Variants in COL9A1 observed in about 807,000 individuals in gnomAD.
COL9A1 encodes collagen type IX alpha 1 chain.
In COL9A1, 104 loss-of-function variants were observed where a neutral mutation model predicts 142.6. The observed-to-expected ratio is 0.73, with a 90% CI of 0.62 to 0.86. The LOEUF (loss-of-function observed/expected upper bound fraction) is 0.86. Among genes scored for constraint, COL9A1 ranks in the 40% least tolerant of loss-of-function variants. The pLI, the probability that COL9A1 is intolerant of heterozygous loss-of-function variation, is 0.00. For synonymous variants in COL9A1, 466 were observed against 396.0 expected (o/e 1.18, Z -2.10); for missense variants, 1,210 against 1,176.6 (o/e 1.03, Z -0.42).
At chr6:70,224,080 CA>C (rs1468274704) in intron 37 of COL9A1, among the ~76,000 whole-genome samples, 2 of 152,138 alleles carry the variant, frequency 1.3e-5, no homozygotes, top group African/African-American at 4.8e-5. Context: ...TCCCCTGGAT[CA>C]GGGGGTCCAC....
intron 17 of COL9A1, among the ~76,000 whole-genome samples, chr6:70,268,351 A>T (rs1359182171): frequency 2.0e-5 from 3 of 152,100 alleles, no homozygotes; most frequent in Non-Finnish European, 4.4e-5. Flanking sequence ...AGTAGCCAGG[A>T]CTACAAGTGC....
At chr6:70,230,270 A>G (rs547403977) in intron 36 of COL9A1, among the ~76,000 whole-genome samples, 2 of 152,306 alleles carry the variant, frequency 1.3e-5, no homozygotes, top group South Asian at 4.1e-4. Context: ...CCAGCTACCT[A>G]AAATCATACA....
chr6:70,273,309 A>G (rs1373301325), intron 12 of COL9A1, among the ~76,000 whole-genome samples: 2 of 152,178 alleles, frequency 1.3e-5, no homozygotes, highest in African/African-American at 4.8e-5. Context: ...ATTTCACTAA[A>G]CAAAAAGGCA....
At position 70,238,702 on chromosome 6, in the gene COL9A1, G is replaced by T. The variant is rs779651389; in HGVS notation, c.2112+552C>A. Among the ~76,000 whole-genome samples the T allele has an allele frequency of 9.2e-5, 14 of 152,128 alleles. 1 individual carries two copies. The highest frequency in any genetic ancestry group is 1.9e-4 in the Non-Finnish European group (13 of 67,964). ...ACACTCATTGAGTCATTTACAATAT[G>T]AAAGAAAAAAAACACTTCCTTTCCA... is the stretch of plus-strand genomic sequence containing the variant. On this transcript the variant is annotated intron_variant, in intron 33 of 37. Transcript: ENST00000357250.
chr6:70,296,569 A>G (rs1773858031), intron 4 of COL9A1, among the ~76,000 whole-genome samples: 1 of 152,128 alleles, frequency 6.6e-6, no homozygotes, highest in African/African-American at 2.4e-5. Context: ...ATTTTTCAGA[A>G]TTATATCTAT....
chr6:70,253,481 T>G (rs766104539), intron 25 of COL9A1, 52 bp from the exon 26 acceptor site: 1 of 1,323,454 alleles, frequency 7.6e-7, no homozygotes, highest in South Asian at 1.2e-5. Context: ...TGAGAATCCA[T>G]GAGATGCCAA....
At chr6:70,282,670 C>A (rs1476198674) in intron 7 of COL9A1, among the ~76,000 whole-genome samples, 3 of 152,198 alleles carry the variant, frequency 2.0e-5, no homozygotes. Flanking sequence ...CCAGAGCCTG[C>A]AGTAGGGAGG....
At chr6:70,221,352 TA>T (rs747678301) in intron 37 of COL9A1, among the ~76,000 whole-genome samples, 9 of 152,252 alleles carry the variant, frequency 5.9e-5, no homozygotes, top group Non-Finnish European at 8.8e-5. Flanking sequence ...GAGTTTCTTA[TA>T]TTTCTTGAGC....
At chr6:70,237,024 T>G (rs1015274881) in intron 33 of COL9A1, among the ~76,000 whole-genome samples, 4 of 152,178 alleles carry the variant, frequency 2.6e-5, no homozygotes, top group African/African-American at 7.2e-5. Context: ...GGTTTCTCCA[T>G]GTTGGTCAGG....
At chr6:70,242,581 T>C in intron 29 of COL9A1, 81 bp downstream of exon 29, 1 of 1,210,390 alleles carries the variant, frequency 8.3e-7, no homozygotes, top group East Asian at 2.3e-5. Context: ...AATTCAATTG[T>C]AAATTGTTTT....
chr6:70,298,380 T>G (rs1373344991), intron 4 of COL9A1, among the ~76,000 whole-genome samples: 5 of 152,236 alleles, frequency 3.3e-5, no homozygotes, highest in Admixed American at 3.3e-4. Flanking sequence ...TAAACTTTAC[T>G]GTTTACTTGG....
intron 5 of COL9A1, among the ~76,000 whole-genome samples, chr6:70,293,243 T>A (rs1312551258): frequency 6.6e-6 from 1 of 152,232 alleles, no homozygotes; most frequent in Non-Finnish European, 1.5e-5. Flanking sequence ...TGTTGAGCTC[T>A]AAATTCCTTT....
chr6:70,267,265 G>A (rs1043702610), intron 17 of COL9A1, among the ~76,000 whole-genome samples: 6 of 151,758 alleles, frequency 4.0e-5, no homozygotes, highest in Non-Finnish European at 5.9e-5. Context: ...GGACTTTCTC[G>A]GATGCACAAC....
At chr6:70,230,976 T>C (rs80039247) in intron 36 of COL9A1, among the ~76,000 whole-genome samples, 6,001 of 152,262 alleles carry the variant, frequency 0.039, 158 homozygotes, top group Non-Finnish European at 0.061. Context: ...AAAATAGGGC[T>C]GTGATGTCTA....
intron 10 of COL9A1, chr6:70,280,284 C>T: frequency 1.6e-6 from 2 of 1,241,716 alleles, no homozygotes; most frequent in Middle Eastern, 3.1e-4. Context: ...CCCCGCACAT[C>T]CCCACTCACT....
intron 19 of COL9A1, among the ~76,000 whole-genome samples, chr6:70,262,941 A>T (rs1771783637): frequency 6.6e-6 from 1 of 152,224 alleles, no homozygotes. Context: ...AACATAAAAG[A>T]TGAGTATCAT....
intron 21 of COL9A1, 77 bp downstream of exon 21, chr6:70,256,691 C>T: frequency 2.5e-6 from 3 of 1,191,608 alleles, no homozygotes; most frequent in Non-Finnish European, 3.7e-6. Context: ...CACACATAAA[C>T]AATACTGCAC....
At chr6:70,260,827 A>C in intron 19 of COL9A1, 117 bp from the exon 20 acceptor site, 1 of 868,004 alleles carries the variant, frequency 1.2e-6, no homozygotes, top group Non-Finnish European at 1.9e-6. Flanking sequence ...TAATACCAAG[A>C]AATAGTAACT....
rs758916884 is a variant in COL9A1 at position 70,216,979 on chromosome 6, G to A, written c.2684C>T (p.Pro895Leu). The change falls in exon 38 of 38, where the codon CCT becomes CTT. Residue 895 changes from proline (P) to leucine (L), a missense_variant. Physicochemically the swap from Pro to Leu is moderately conservative, Grantham distance 98. Coordinates refer to ENST00000357250, the MANE Select transcript of COL9A1 (RefSeq NM_001851.6). ...IPGVPGPPGP[P>L]GLPGFCEPAS... ...TGGCTCACAGAAACCGGGAAGCCCA[G>A]GAGGTCCCGGGGGTCCAGGCACTCC... 5 of 1,614,162 alleles carry A rather than the reference G, an allele frequency of 3.1e-6. No homozygotes were observed. The highest frequency in any genetic ancestry group is 1.3e-5 in the African/African-American group (1 of 75,048).
Sources: allele counts gnomAD v4.1 joint callset (sites outside exome capture counted in the v4.1 genomes callset), GRCh38; gene constraint gnomAD v4.1.1; transcripts MANE v1.5; gene names NCBI Gene and HGNC (gene_info 2026-07-23, HGNC 2026-07-21).